The following KIF26B variants were observed in gnomAD, a reference collection of about 807,000 sequenced individuals.
KIF26B encodes kinesin family member 26B.
In KIF26B, 63 loss-of-function variants were observed where a neutral mutation model predicts 151.2. That is an observed-to-expected ratio of 0.42 (90% CI 0.34 to 0.51). The LOEUF (loss-of-function observed/expected upper bound fraction) is 0.51, where lower values mean the gene tolerates loss of function less well. Ranked by LOEUF, KIF26B falls within the 20% of genes least tolerant of loss-of-function variation. The probability of loss-of-function intolerance (pLI) is 0.07; values close to 1 mark genes in which losing one functional copy is unlikely to be tolerated. For missense variants in KIF26B, 2,813 were observed against 2,913.6 expected, an observed-to-expected ratio of 0.97 and a Z score of 0.79; for synonymous variants, 1,357 against 1,262.1, an observed-to-expected ratio of 1.08 and a Z score of -1.59.
intron 2 of KIF26B, among the ~76,000 whole-genome samples, chr1:245,289,202 G>A (rs1262684452): frequency 6.6e-6 from 1 of 152,172 alleles, no homozygotes. Flanking sequence ...TCTTTATAAA[G>A]TATAATGAAA....
chr1:245,520,066 A>C (rs1384191498), intron 4 of KIF26B, among the ~76,000 whole-genome samples: 1 of 151,340 alleles, frequency 6.6e-6, no homozygotes, highest in Non-Finnish European at 1.5e-5. Context: ...TACATTTTTT[A>C]AAAATTAAAT....
At chr1:245,303,641 ACTAT>A (rs759371592) in intron 2 of KIF26B, among the ~76,000 whole-genome samples, 3 of 152,240 alleles carry the variant, frequency 2.0e-5, no homozygotes, top group Non-Finnish European at 4.4e-5. Context: ...ACACCGTAAG[ACTAT>A]CTAACAGTAG....
In KIF26B at chr1:245,687,188, G is replaced by C. The variant is rs200347978; in HGVS notation, c.4205G>C (p.Arg1402Pro). The change falls in exon 12 of 15, where the codon CGG (arginine) becomes CCG (proline). Residue 1402 changes from arginine (R) to proline (P), a missense_variant. Around this residue, in one of 3 missense-constraint regions of KIF26B, gnomAD observed 2,060 missense variants for 2,088.6 expected, o/e 0.99. Coordinates refer to ENST00000407071, the MANE Select transcript of KIF26B (RefSeq NM_018012.4). The surrounding 1 kb of genome is among the most constrained non-coding windows in gnomAD (Gnocchi z 4.9). ...TVYPCIAMSP[R>P]NIQEPEAPTA... is the part of the protein sequence containing the mutation. ...TACCCCTGCATTGCCATGAGCCCCC[G>C]GAACATCCAAGAGCCGGAGGCCCCC... The C allele has an allele frequency of 1.2e-6, 2 of 1,612,722 alleles. No homozygotes were observed. Among genetic ancestry groups the C allele is most frequent in the Middle Eastern group, 1.7e-4 (1 of 6,060 alleles).
intron 5 of KIF26B, among the ~76,000 whole-genome samples, chr1:245,592,812 A>G (rs1191826224): frequency 1.3e-5 from 2 of 152,202 alleles, no homozygotes; most frequent in Non-Finnish European, 2.9e-5. Flanking sequence ...TCTGTAACTC[A>G]TAACTGAACT....
intron 9 of KIF26B, among the ~76,000 whole-genome samples, chr1:245,645,205 TCA>T (rs1157636869): frequency 1.3e-5 from 2 of 152,112 alleles, no homozygotes; most frequent in Non-Finnish European, 2.9e-5. Flanking sequence ...CCTGTGATTC[TCA>T]GTGTTGGAAC....
chr1:245,651,075 G>A (rs1320200975), intron 10 of KIF26B, among the ~76,000 whole-genome samples: 1 of 152,136 alleles, frequency 6.6e-6, no homozygotes, highest in African/African-American at 2.4e-5. Context: ...AAACACCGCA[G>A]GCAACATCCA....
Position 245,156,506 on chromosome 1 carries a change from G to T in KIF26B, c.288G>T (p.Ser96=), listed in dbSNP as rs1164611945. The T allele has an allele frequency of 5.9e-6, 9 of 1,530,150 alleles. No individual in the cohort carries two copies. Among genetic ancestry groups the T allele is most frequent in the South Asian group, 4.8e-5 (4 of 83,826 alleles). 94.8% of individuals were successfully genotyped at this position (1,530,150 alleles called of 1,614,324 possible). A position where few individuals can be genotyped will look rare whatever the true frequency, so the allele number is the denominator to read the frequency against. ...GPASPGIGTS[S]PGSLGGSPGF... is the part of the protein sequence containing the mutation. ...CCTCCCCCGGCATCGGCACTAGTTC[G>T]CCGGGCTCCTTGGGCGGCTCTCCGG... The change falls in exon 2 of 15, where the codon TCG becomes TCT. Residue 96 remains serine (S), a synonymous_variant. Coordinates refer to ENST00000407071, the MANE Select transcript of KIF26B (RefSeq NM_018012.4).
intron 12 of KIF26B, among the ~76,000 whole-genome samples, chr1:245,690,334 C>T (rs781271683): frequency 6.6e-6 from 1 of 152,188 alleles, no homozygotes; most frequent in Non-Finnish European, 1.5e-5. Flanking sequence ...CTCTCAGAAG[C>T]CAGGTCCCTG....
chr1:245,680,286 A>G (rs2044416278), intron 10 of KIF26B, among the ~76,000 whole-genome samples: 1 of 152,094 alleles, frequency 6.6e-6, no homozygotes, highest in African/African-American at 2.4e-5. Flanking sequence ...TTACTCCCCA[A>G]AGGACATCTT....
chr1:245,483,579 T>C (rs1039724909), intron 4 of KIF26B, among the ~76,000 whole-genome samples: 6 of 151,908 alleles, frequency 3.9e-5, no homozygotes, highest in Non-Finnish European at 7.4e-5. Context: ...CTAATTAATT[T>C]TGGGGGGACA....
chr1:245,502,907 G>T (rs1166401591), intron 4 of KIF26B, among the ~76,000 whole-genome samples: 4 of 151,466 alleles, frequency 2.6e-5, no homozygotes, highest in Admixed American at 2.0e-4. Flanking sequence ...TGTTGCCCAG[G>T]CTGGAGTGCA....
At chr1:245,278,954 C>A (rs1391756456) in intron 2 of KIF26B, among the ~76,000 whole-genome samples, 3 of 152,170 alleles carry the variant, frequency 2.0e-5, no homozygotes, top group Non-Finnish European at 4.4e-5. Context: ...CAGCTGGACA[C>A]TAAGCCCACA....
chr1:245,640,350 T>C (rs1004263310), intron 9 of KIF26B, among the ~76,000 whole-genome samples: 7 of 151,518 alleles, frequency 4.6e-5, no homozygotes, highest in Non-Finnish European at 1.0e-4. Flanking sequence ...TGCTTTTGGT[T>C]TCCATTTGCA....
chr1:245,437,981 T>C (rs1257571256), intron 4 of KIF26B, among the ~76,000 whole-genome samples: 2 of 151,994 alleles, frequency 1.3e-5, no homozygotes, highest in African/African-American at 2.4e-5. Context: ...ATTACTCTCT[T>C]CTCTCTCTCT....
At chr1:245,331,868 T>C (rs1487236977) in intron 2 of KIF26B, among the ~76,000 whole-genome samples, 2 of 152,150 alleles carry the variant, frequency 1.3e-5, no homozygotes, top group Admixed American at 1.3e-4. Flanking sequence ...GGCTCAGGCC[T>C]GTAATCCCAG....
intron 10 of KIF26B, among the ~76,000 whole-genome samples, chr1:245,648,732 C>G (rs1023073320): frequency 2.6e-5 from 4 of 152,216 alleles, no homozygotes; most frequent in Admixed American, 6.5e-5. Flanking sequence ...GCTACCTGCC[C>G]TCCTGGGAGA....
At chr1:245,464,444 T>C (rs1471365557) in intron 4 of KIF26B, among the ~76,000 whole-genome samples, 1 of 145,572 alleles carries the variant, frequency 6.9e-6, no homozygotes, top group Non-Finnish European at 1.5e-5. Flanking sequence ...TGTCTGGGTG[T>C]GTGGGTGTGT....
At chr1:245,591,716 T>G (rs535008183) in intron 5 of KIF26B, among the ~76,000 whole-genome samples, 21 of 152,250 alleles carry the variant, frequency 1.4e-4, no homozygotes, top group Non-Finnish European at 5.9e-5. Flanking sequence ...CACCAGCTCA[T>G]CCATTTAAAA....
intron 3 of KIF26B, among the ~76,000 whole-genome samples, chr1:245,372,560 G>A (rs1173842): frequency 0.47 from 71,770 of 151,880 alleles, 17,801 homozygotes; most frequent in Admixed American, 0.55. Flanking sequence ...ATTGTTCCTC[G>A]TCTTTGTAGC....
Sources: gnomAD v4.1 joint callset for allele counts (sites outside exome capture counted in the v4.1 genomes callset) on GRCh38, gnomAD v4.1.1 for gene constraint, gnomAD v4.1.1 regional missense constraint, Gnocchi (gnomAD v3.1) non-coding constraint, MANE v1.5 for transcripts, NCBI Gene and HGNC (gene_info 2026-07-23, HGNC 2026-07-21) for gene names.